The following UPF2 variants were observed in gnomAD, a reference collection of about 807,000 sequenced individuals.
UPF2 encodes the protein regulator of nonsense transcripts 2.
In UPF2, 17 loss-of-function variants were observed where a neutral mutation model predicts 141.4. The ratio of observed to expected loss-of-function variants is 0.12; its 90% CI spans 0.08 to 0.18. The LOEUF is 0.18. Ranked by LOEUF, UPF2 falls within the 10% of genes least tolerant of loss-of-function variation. The pLI, the probability that UPF2 is intolerant of heterozygous loss-of-function variation, is 1.00. For missense variants in UPF2, 1,152 were observed against 1,515.9 expected (o/e 0.76, Z 3.99); for synonymous variants, 540 against 498.0 (o/e 1.08, Z -1.12).
chr10:12,015,293 C>G (rs562249658), intron 3 of UPF2, among the ~76,000 whole-genome samples: 1 of 152,276 alleles, frequency 6.6e-6, no homozygotes, highest in Non-Finnish European at 1.5e-5. Context: ...CTAAAAGTTA[C>G]AGAGAAAAAG....
At chr10:12,032,482 T>C (rs1455970005) in intron 2 of UPF2, among the ~76,000 whole-genome samples, 1 of 152,030 alleles carries the variant, frequency 6.6e-6, no homozygotes, top group Non-Finnish European at 1.5e-5. Context: ...ACTAGTTCAC[T>C]ATACTATTCT....
chr10:11,972,361 G>A (rs1436250961), intron 9 of UPF2, among the ~76,000 whole-genome samples: 1 of 152,066 alleles, frequency 6.6e-6, no homozygotes, highest in South Asian at 2.1e-4. Context: ...AAGTAAATTT[G>A]CCTTGACATA....
rs569933550 is a variant in UPF2, at chr10:11,974,913, T to C, written c.1953+4144A>G. Among the ~76,000 whole-genome samples, 7 of 152,318 alleles carry C rather than the reference T, an allele frequency of 4.6e-5. No homozygotes were observed. In the East Asian group the frequency reaches 1.3e-3, roughly 29 times the overall value. On this transcript the variant is annotated intron_variant, in intron 9 of 21. Coordinates refer to ENST00000357604, the MANE Select transcript of UPF2 (RefSeq NM_015542.4). ...GTTTTATCTCACACATATCTATTTG[T>C]TTTTGTATGGTTTATAATGCACAAA...
chr10:12,014,221 A>C lies in UPF2; in HGVS notation c.1146-37T>G. The C allele has an allele frequency of 7.5e-7, 1 of 1,338,972 alleles. No homozygotes were observed. The highest frequency in any genetic ancestry group is 9.7e-7 in the Non-Finnish European group (1 of 1,034,246). 82.9% of individuals were successfully genotyped at this position (1,338,972 alleles called of 1,614,324 possible). On this transcript the variant is annotated intron_variant, in intron 3 of 21. Transcript: ENST00000357604. The surrounding 1 kb of genome is among the most constrained non-coding windows in gnomAD (Gnocchi z 5.0). ...TGAAATCATCTGACAGTCTTATCAA[A>C]ATAGATGTGATCACAAATTGTTATA...
chr10:11,972,058 T>C (rs549100476), intron 9 of UPF2, among the ~76,000 whole-genome samples: 2 of 129,266 alleles, frequency 1.5e-5, no homozygotes, highest in South Asian at 2.8e-4. Flanking sequence ...AGCAAGACTC[T>C]GTCTCAAAAA....
chr10:11,971,444 C>T (rs978998538), intron 9 of UPF2, among the ~76,000 whole-genome samples: 3 of 151,968 alleles, frequency 2.0e-5, no homozygotes, highest in Admixed American at 1.3e-4. Context: ...AGTAGAGATG[C>T]GGTTTCTCCA....
At chr10:11,943,478 C>T (rs183811036) in intron 16 of UPF2, among the ~76,000 whole-genome samples, 4 of 152,332 alleles carry the variant, frequency 2.6e-5, no homozygotes, top group Admixed American at 2.6e-4. Flanking sequence ...TGAAACAAAT[C>T]TGGAGAGGCT....
chr10:11,969,362 G>A (rs1364589520), intron 9 of UPF2, among the ~76,000 whole-genome samples: 1 of 151,818 alleles, frequency 6.6e-6, no homozygotes, highest in East Asian at 1.9e-4. Flanking sequence ...GTAGAGACGG[G>A]GTTTCACTAT....
chr10:12,000,743 C>T (rs774277414), intron 6 of UPF2, among the ~76,000 whole-genome samples: 1 of 152,074 alleles, frequency 6.6e-6, no homozygotes, highest in East Asian at 1.9e-4. Context: ...GAGTTTGAGG[C>T]TGCAGTCAAT....
intron 5 of UPF2, among the ~76,000 whole-genome samples, chr10:12,004,024 T>C (rs1833995309): frequency 6.8e-6 from 1 of 146,948 alleles, no homozygotes; most frequent in African/African-American, 2.5e-5. Flanking sequence ...AGGATGGGAG[T>C]TAGATTAGAA....
chr10:12,038,240 G>A (rs1834667755), intron 1 of UPF2, among the ~76,000 whole-genome samples: 1 of 151,232 alleles, frequency 6.6e-6, no homozygotes, highest in African/African-American at 2.4e-5. Flanking sequence ...AAAATTAGCT[G>A]GGCGTGGTAG....
Position 11,955,334 on chromosome 10 carries a change from A to G in UPF2, c.2748T>C (p.Leu916=), listed in dbSNP as rs1469787973. 2 of 1,614,176 alleles carry G rather than the reference A, an allele frequency of 1.2e-6. No individual in the cohort carries two copies. The highest frequency in any genetic ancestry group is 2.2e-5 in the South Asian group (2 of 91,082). ...TAGTGCATACGAGTCTAATTCTGAA[A>G]AGATGCTCAGGTGGGTCCAGGGAAC... ...SPSSLDPPEH[L]FRIRLVCTIL... The change falls in exon 14 of 22, where the codon CTT becomes CTC. Residue 916 remains leucine, a synonymous_variant. Coordinates refer to ENST00000357604, the MANE Select transcript of UPF2 (RefSeq NM_015542.4).
intron 2 of UPF2, among the ~76,000 whole-genome samples, chr10:12,034,581 G>A (rs953804570): frequency 4.0e-5 from 6 of 151,692 alleles, no homozygotes; most frequent in African/African-American, 7.3e-5. Context: ...TGAGGCGGGC[G>A]GATCACCTGA....
Position 11,967,834 on chromosome 10 carries a change from C to T in UPF2, c.1954-380G>A, listed in dbSNP as rs140109370. Reference sequence around the variant, plus strand: ...CCTCTCAAAGTGCTGGGATTAGAGGCGTGAGCCACCGTGCCCAGCCCACTC... The same window carrying T: ...CCTCTCAAAGTGCTGGGATTAGAGGTGTGAGCCACCGTGCCCAGCCCACTC... On this transcript the variant is annotated intron_variant, in intron 9 of 21. Coordinates refer to ENST00000357604, the MANE Select transcript of UPF2 (RefSeq NM_015542.4). Among the ~76,000 whole-genome samples the T allele has an allele frequency of 3.1e-3, 467 of 152,176 alleles. 14 individuals carry two copies. The East Asian group carries it at 0.081, about 26-fold the overall frequency.
chr10:12,035,019 C>T lies in UPF2; in HGVS notation c.365+40G>A. 3 of 1,517,592 alleles carry T rather than the reference C, an allele frequency of 2.0e-6. 1 individual carries two copies. The highest frequency in any genetic ancestry group is 4.6e-5 in the East Asian group (2 of 43,704). 94.0% of individuals were successfully genotyped at this position (1,517,592 alleles called of 1,614,324 possible). A position where few individuals can be genotyped will look rare whatever the true frequency, so the allele number is the denominator to read the frequency against. On this transcript the variant is annotated intron_variant, in intron 2 of 21. Transcript: ENST00000357604. ...TTTTTTCCCAAAATATTCCAATCTT[C>T]CCATTCCCTCACATCAATAAATACA...
At chr10:11,971,495 G>A (rs1261260129) in intron 9 of UPF2, among the ~76,000 whole-genome samples, 2 of 151,942 alleles carry the variant, frequency 1.3e-5, no homozygotes, top group Non-Finnish European at 1.5e-5. Context: ...CAGGTGATCC[G>A]CCCACCTCGG....
In UPF2 at chr10:11,979,203, C is replaced by T. The variant is rs1334714877; in HGVS notation, c.1845-38G>A. Reference sequence around the variant, plus strand: ...TATGTGATATGTGTCAAAGGAAAGACATATCAAAAATAATTCATTTTAAAA... The same window carrying T: ...TATGTGATATGTGTCAAAGGAAAGATATATCAAAAATAATTCATTTTAAAA... On this transcript the variant is annotated intron_variant, in intron 8 of 21. Transcript: ENST00000357604. This position sits in a 1 kb window ranked among gnomAD's most constrained non-coding sequence, Gnocchi z 6.2. 6.8e-7 allele frequency: 1 copy of T among 1,463,750 alleles called. No homozygotes were observed. Among genetic ancestry groups the T allele is most frequent in the Non-Finnish European group, 9.4e-7 (1 of 1,059,516 alleles). The allele number at this position is 1,463,750 out of a possible 1,614,324, so 90.7% of individuals were successfully genotyped here.
At chr10:12,008,533 G>C (rs142109167) in intron 4 of UPF2, among the ~76,000 whole-genome samples, 7,909 of 151,014 alleles carry the variant, frequency 0.052, 278 homozygotes, top group Non-Finnish European at 0.08. Flanking sequence ...AGGAGGCTGA[G>C]GCAGGAGAAT....
intron 19 of UPF2, among the ~76,000 whole-genome samples, chr10:11,932,329 T>C (rs1832792576): frequency 6.6e-6 from 1 of 152,034 alleles, no homozygotes; most frequent in Non-Finnish European, 1.5e-5. Flanking sequence ...AGCCTAATGA[T>C]GATGGTACTA....
Sources: gnomAD v4.1 joint callset for allele counts (sites outside exome capture counted in the v4.1 genomes callset) on GRCh38, gnomAD v4.1.1 for gene constraint, Gnocchi (gnomAD v3.1) non-coding constraint, MANE v1.5 for transcripts, NCBI Gene and HGNC (gene_info 2026-07-23, HGNC 2026-07-21) for gene names.